The following TSPAN5 variants were observed in gnomAD, a reference collection of about 807,000 sequenced individuals.
TSPAN5 encodes tetraspanin-5.
A neutral mutation model predicts 37.1 loss-of-function variants in TSPAN5; 10 were observed. That is an observed-to-expected ratio of 0.27 (90% confidence interval 0.17 to 0.46). The LOEUF (loss-of-function observed/expected upper bound fraction) is 0.46. TSPAN5 is among the 20% of genes least tolerant of loss of function. The pLI is 1.00. For synonymous variants in TSPAN5, 110 were observed against 118.9 expected (o/e 0.93, Z 0.48); for missense variants, 195 against 326.6 (o/e 0.60, Z 3.11).
intron 1 of TSPAN5, among the ~76,000 whole-genome samples, chr4:98,579,850 CA>C (rs1755330202): frequency 6.6e-6 from 1 of 152,116 alleles, no homozygotes. Context: ...AATTTGGTCC[CA>C]ATTACTATAT....
intron 1 of TSPAN5, among the ~76,000 whole-genome samples, chr4:98,655,135 G>A (rs1345827638): frequency 1.3e-5 from 2 of 152,150 alleles, no homozygotes; most frequent in Admixed American, 6.5e-5. Context: ...GTGAGCCACC[G>A]CGCCCAGCCT....
At chr4:98,477,002 C>T (rs988573004) in intron 5 of TSPAN5, among the ~76,000 whole-genome samples, 4 of 152,160 alleles carry the variant, frequency 2.6e-5, no homozygotes, top group African/African-American at 4.8e-5. Flanking sequence ...TCCACTTTTT[C>T]GGGTTGTTTA....
At chr4:98,607,041 G>A (rs1054360113) in intron 1 of TSPAN5, among the ~76,000 whole-genome samples, 1 of 152,058 alleles carries the variant, frequency 6.6e-6, no homozygotes, top group Admixed American at 6.6e-5. Context: ...GGGAGCAGCC[G>A]GGGGACCTGC....
chr4:98,549,399 T>A (rs1754554991), intron 1 of TSPAN5, among the ~76,000 whole-genome samples: 1 of 151,606 alleles, frequency 6.6e-6, no homozygotes, highest in South Asian at 2.1e-4. Flanking sequence ...GCCTCTCGGG[T>A]TTAAGCAATT....
intron 1 of TSPAN5, among the ~76,000 whole-genome samples, chr4:98,644,424 C>G (rs762434445): frequency 6.6e-6 from 1 of 151,124 alleles, no homozygotes; most frequent in Non-Finnish European, 1.5e-5. Context: ...ACAGTTGAAC[C>G]GAAAGAAAAT....
At chr4:98,513,426 A>G (rs897041286) in intron 1 of TSPAN5, among the ~76,000 whole-genome samples, 16 of 152,192 alleles carry the variant, frequency 1.1e-4, no homozygotes, top group Admixed American at 3.9e-4. Context: ...GAGTGCATCT[A>G]CAGTGATCAA....
chr4:98,523,691 G>A (rs1037117644), intron 1 of TSPAN5, among the ~76,000 whole-genome samples: 3 of 152,234 alleles, frequency 2.0e-5, no homozygotes, highest in East Asian at 1.9e-4. Context: ...CACCTGCCTC[G>A]GCCTCCCAAA....
At chr4:98,504,631 G>C (rs1193853453) in intron 2 of TSPAN5, among the ~76,000 whole-genome samples, 1 of 152,204 alleles carries the variant, frequency 6.6e-6, no homozygotes, top group African/African-American at 2.4e-5. Context: ...ATCTGCCTTA[G>C]AGCAGACACT....
chr4:98,628,688 C>T (rs982702052), intron 1 of TSPAN5, among the ~76,000 whole-genome samples: 1 of 152,122 alleles, frequency 6.6e-6, no homozygotes, highest in African/African-American at 2.4e-5. Context: ...ATTCCCAGCA[C>T]CCTTAATGGC....
At chr4:98,530,490 C>A (rs1754057481) in intron 1 of TSPAN5, among the ~76,000 whole-genome samples, 2 of 152,056 alleles carry the variant, frequency 1.3e-5, no homozygotes, top group South Asian at 4.1e-4. Context: ...AAAGCCACAG[C>A]CGTTTCCACT....
intron 2 of TSPAN5, among the ~76,000 whole-genome samples, chr4:98,490,487 T>TG (rs1308006948): frequency 6.6e-6 from 1 of 152,078 alleles, no homozygotes; most frequent in Non-Finnish European, 1.5e-5. Context: ...CAACAATCAT[T>TG]GGGGGGCTGA....
In TSPAN5 at chr4:98,508,816, C is replaced by T. The variant is rs568836233; in HGVS notation, c.82-1088G>A. Among the ~76,000 whole-genome samples, 4 of 152,244 alleles carry T rather than the reference C, an allele frequency of 2.6e-5. No homozygotes were observed. In the East Asian group the frequency reaches 5.8e-4, roughly 22 times the overall value. On this transcript the variant is annotated intron_variant, in intron 1 of 7. Coordinates refer to ENST00000305798, the MANE Select transcript of TSPAN5 (RefSeq NM_005723.4). Reference sequence around the variant, plus strand: ...CTGAGATTATAGGTGTGAGCCACCACTCCCGGACTAGGGCTTTCCATTTTA... The same window carrying T: ...CTGAGATTATAGGTGTGAGCCACCATTCCCGGACTAGGGCTTTCCATTTTA...
intron 2 of TSPAN5, among the ~76,000 whole-genome samples, chr4:98,498,391 T>C (rs1360691901): frequency 6.6e-6 from 1 of 152,164 alleles, no homozygotes; most frequent in Non-Finnish European, 1.5e-5. Context: ...ATCATACATA[T>C]GTTTCTAAAA....
chr4:98,643,694 T>C (rs1218311380), intron 1 of TSPAN5, among the ~76,000 whole-genome samples: 1 of 152,218 alleles, frequency 6.6e-6, no homozygotes, highest in African/African-American at 2.4e-5. Flanking sequence ...TTAGGGATTA[T>C]TAATCTTGCA....
intron 1 of TSPAN5, among the ~76,000 whole-genome samples, chr4:98,655,282 G>A (rs1244941434): frequency 6.6e-6 from 1 of 152,120 alleles, no homozygotes; most frequent in Non-Finnish European, 1.5e-5. Context: ...TTTATCACGT[G>A]TCCTGGTATA....
At chr4:98,630,825 G>A (rs1756728591) in intron 1 of TSPAN5, among the ~76,000 whole-genome samples, 1 of 152,206 alleles carries the variant, frequency 6.6e-6, no homozygotes, top group Admixed American at 6.5e-5. Flanking sequence ...GGGCCCTGCA[G>A]AGCTAAAGAT....
chr4:98,603,793 C>T (rs974694147), intron 1 of TSPAN5, among the ~76,000 whole-genome samples: 7 of 152,326 alleles, frequency 4.6e-5, no homozygotes, highest in African/African-American at 1.7e-4. Context: ...GTGCCCACTT[C>T]AGCTCCTCAG....
intron 1 of TSPAN5, among the ~76,000 whole-genome samples, chr4:98,546,054 G>A (rs1754463483): frequency 6.6e-6 from 1 of 152,030 alleles, no homozygotes; most frequent in South Asian, 2.1e-4. Flanking sequence ...TATTAATAAT[G>A]TATTAATAAT....
chr4:98,507,436 G>A (rs552964630), intron 2 of TSPAN5, among the ~76,000 whole-genome samples: 2 of 152,286 alleles, frequency 1.3e-5, no homozygotes, highest in Admixed American at 1.3e-4. Flanking sequence ...CAAATTCCAA[G>A]GTATATTCTC....
Sources: gnomAD v4.1 joint callset for allele counts (sites outside exome capture counted in the v4.1 genomes callset) on GRCh38, gnomAD v4.1.1 for gene constraint, MANE v1.5 for transcripts, NCBI Gene and HGNC (gene_info 2026-07-23, HGNC 2026-07-21) for gene names.